The following AOPEP variants were observed in gnomAD, a reference collection of about 807,000 sequenced individuals.
AOPEP encodes aminopeptidase O.
AOPEP carries 77 observed loss-of-function variants against 98.1 expected under a neutral mutation model. The ratio of observed to expected loss-of-function variants is 0.78; its 90% CI spans 0.65 to 0.95. AOPEP has a LOEUF of 0.95. Ranked by LOEUF, AOPEP falls within the 40% of genes least tolerant of loss-of-function variation. The pLI is 0.00. For missense variants in AOPEP, 1,024 were observed against 1,024.7 expected (o/e 1.00, Z 0.01); for synonymous variants, 346 against 365.3 (o/e 0.95, Z 0.60).
intron 14 of AOPEP, among the ~76,000 whole-genome samples, chr9:95,062,247 G>A (rs1247415908): frequency 1.5e-5 from 1 of 65,120 alleles, no homozygotes; most frequent in African/African-American, 3.5e-5. Context: ...CCAGGCTAAC[G>A]GGGCAGATCT....
At chr9:95,088,696 T>C (rs1206364552), downstream of AOPEP, among the ~76,000 whole-genome samples, 1 of 152,222 alleles carries the variant, frequency 6.6e-6, no homozygotes, top group African/African-American at 2.4e-5. Context: ...TGGGGTGACC[T>C]TGCTTTTCCA....
intron 13 of AOPEP, among the ~76,000 whole-genome samples, chr9:95,025,134 A>T (rs1039324307): frequency 1.9e-4 from 29 of 152,150 alleles, no homozygotes; most frequent in Non-Finnish European, 4.0e-4. Flanking sequence ...TTCTACAGGG[A>T]ATAAAAGATG....
chr9:95,122,975 G>C, the AOPEP span, among the ~76,000 whole-genome samples: 2 of 152,174 alleles, frequency 1.3e-5, no homozygotes, highest in African/African-American at 4.8e-5. Flanking sequence ...AACTTCTCCA[G>C]GGAAAGTGAG....
the AOPEP span, among the ~76,000 whole-genome samples, chr9:95,140,936 C>T: frequency 1.3e-5 from 2 of 152,028 alleles, no homozygotes; most frequent in African/African-American, 2.4e-5. Context: ...GGCAATTACA[C>T]GTCAATATAA....
chr9:94,743,187 AGAAGAAGAAGAAGAG>A (rs55700320), intron 1 of AOPEP, among the ~76,000 whole-genome samples: 6,722 of 117,826 alleles, frequency 0.057, 184 homozygotes, highest in Admixed American at 0.085. Context: ...AAGAAGAAGA[AGAAGAAGAAGAAGAG>A]GAAGAAGAGG....
At chr9:94,814,046 G>T (rs1851200079) in intron 5 of AOPEP, among the ~76,000 whole-genome samples, 1 of 152,218 alleles carries the variant, frequency 6.6e-6, no homozygotes. Context: ...CCAAGGGGTG[G>T]AATATCTATG....
chr9:94,988,365 C>T (rs114844030), intron 11 of AOPEP, among the ~76,000 whole-genome samples: 141 of 152,174 alleles, frequency 9.3e-4, no homozygotes, highest in African/African-American at 3.4e-3. Context: ...ATTAGACGTA[C>T]ATTTTTTCAG....
chr9:95,118,615 A>C, the AOPEP span, among the ~76,000 whole-genome samples: 4 of 152,222 alleles, frequency 2.6e-5, no homozygotes, highest in Admixed American at 2.6e-4. Context: ...GATTTTGACA[A>C]GAGAGATTAG....
the AOPEP span, among the ~76,000 whole-genome samples, chr9:95,118,710 T>G: frequency 2.6e-4 from 39 of 152,252 alleles, no homozygotes; most frequent in African/African-American, 8.7e-4. Context: ...ACATATTTTC[T>G]TAAAGATTAA....
chr9:94,945,480 A>G (rs1251665308), intron 7 of AOPEP, among the ~76,000 whole-genome samples: 1 of 152,184 alleles, frequency 6.6e-6, no homozygotes, highest in Non-Finnish European at 1.5e-5. Context: ...CCCAAAGAGC[A>G]CACTGTTGCT....
At chr9:94,952,127 A>T (rs964836874) in intron 7 of AOPEP, among the ~76,000 whole-genome samples, 3 of 152,130 alleles carry the variant, frequency 2.0e-5, no homozygotes, top group African/African-American at 4.8e-5. Context: ...TTTAAAAAAA[A>T]TTTTGCATTG....
the AOPEP span, chr9:95,106,939 C>T: frequency 9.8e-5 from 89 of 912,630 alleles, no homozygotes; most frequent in African/African-American, 1.3e-3. Flanking sequence ...ACCTCCTTGA[C>T]CATTTATCTG....
At chr9:94,735,752 C>T (rs1354525179) in intron 1 of AOPEP, among the ~76,000 whole-genome samples, 1 of 152,096 alleles carries the variant, frequency 6.6e-6, no homozygotes, top group Admixed American at 6.5e-5. Context: ...ATTGTGCAAC[C>T]ATCACCACTG....
intron 13 of AOPEP, among the ~76,000 whole-genome samples, chr9:95,023,506 T>C (rs1184099778): frequency 6.6e-6 from 1 of 152,230 alleles, no homozygotes; most frequent in African/African-American, 2.4e-5. Flanking sequence ...GTTGGAAGTT[T>C]CCAGTCGGCT....
chr9:94,992,864 GC>G (rs1471987253), intron 11 of AOPEP, among the ~76,000 whole-genome samples: 1 of 152,204 alleles, frequency 6.6e-6, no homozygotes, highest in Admixed American at 6.5e-5. Flanking sequence ...CTGTAGAATT[GC>G]CCTCAGACTT....
chr9:94,782,010 T>A (rs1451261964), intron 3 of AOPEP, among the ~76,000 whole-genome samples: 1 of 150,288 alleles, frequency 6.7e-6, no homozygotes, highest in Non-Finnish European at 1.5e-5. Context: ...CCTAACACAG[T>A]GAAATGCCGT....
At chr9:95,127,471 C>T in the AOPEP span, 1 of 152,182 alleles carries the variant, frequency 6.6e-6, no homozygotes, top group Non-Finnish European at 1.5e-5. Context: ...AGAGGACAAC[C>T]CGATTCCAGG....
intron 7 of AOPEP, among the ~76,000 whole-genome samples, chr9:94,929,835 G>A (rs747270472): frequency 1.3e-5 from 2 of 152,228 alleles, no homozygotes; most frequent in African/African-American, 4.8e-5. Flanking sequence ...GGAGGGCGGC[G>A]CATAAGGAGG....
downstream of AOPEP, among the ~76,000 whole-genome samples, chr9:95,089,977 G>T (rs186800845): frequency 1.3e-5 from 2 of 152,372 alleles, no homozygotes; most frequent in Admixed American, 1.3e-4. Flanking sequence ...TGTCTAGGTA[G>T]AAGCCAAGAA....
Sources: gnomAD v4.1 joint callset for allele counts (sites outside exome capture counted in the v4.1 genomes callset) on GRCh38, gnomAD v4.1.1 for gene constraint, MANE v1.5 for transcripts, NCBI Gene and HGNC (gene_info 2026-07-23, HGNC 2026-07-21) for gene names.